The following ADCY5 variants were observed in gnomAD, a reference collection of about 807,000 sequenced individuals.
The protein encoded by ADCY5 is adenylate cyclase 5, also known as adenylate cyclase type 5.
Under a neutral mutation model 119.7 loss-of-function variants are expected in ADCY5, and 30 were observed. The observed-to-expected ratio is 0.25, with a 90% CI of 0.19 to 0.34. The LOEUF is 0.34. Among genes scored for constraint, ADCY5 ranks in the 10% least tolerant of loss-of-function variants. The probability of loss-of-function intolerance (pLI) is 1.00; values close to 1 mark genes in which losing one functional copy is unlikely to be tolerated. For synonymous variants in ADCY5, 753 were observed against 762.2 expected, an observed-to-expected ratio of 0.99 and a Z score of 0.20; for missense variants, 1,324 against 1,775.2, an observed-to-expected ratio of 0.75 and a Z score of 4.57.
chr3:123,389,024 A>G (rs760049682), intron 1 of ADCY5, among the ~76,000 whole-genome samples: 1 of 152,020 alleles, frequency 6.6e-6, no homozygotes, highest in Non-Finnish European at 1.5e-5. Context: ...GGAGTCATGG[A>G]AGGAAGGAGG....
At chr3:123,420,523 A>G (rs547356786) in intron 1 of ADCY5, among the ~76,000 whole-genome samples, 6 of 152,266 alleles carry the variant, frequency 3.9e-5, no homozygotes, top group African/African-American at 1.4e-4. Flanking sequence ...TCTGTGCCCC[A>G]GGCCCTACAG....
intron 1 of ADCY5, among the ~76,000 whole-genome samples, chr3:123,388,033 T>C (rs1357540696): frequency 1.3e-5 from 2 of 152,112 alleles, no homozygotes; most frequent in Admixed American, 6.5e-5. Flanking sequence ...GAAAGCATTC[T>C]AGAGAAGCTT....
chr3:123,419,217 A>G, intron 1 of ADCY5: 3 of 985,324 alleles, frequency 3.0e-6, no homozygotes, highest in Non-Finnish European at 3.6e-6. Flanking sequence ...TCTGACGAGC[A>G]CACAGTCAGG....
chr3:123,408,227 G>C (rs1018044992), intron 1 of ADCY5, among the ~76,000 whole-genome samples: 1 of 152,038 alleles, frequency 6.6e-6, no homozygotes, highest in Non-Finnish European at 1.5e-5. Flanking sequence ...GAACATGGTC[G>C]TAACACGTAT....
chr3:123,441,975 G>T (rs1945731330), intron 1 of ADCY5, among the ~76,000 whole-genome samples: 1 of 36,658 alleles, frequency 2.7e-5, no homozygotes, highest in Non-Finnish European at 6.0e-5. Context: ...ATTGCCTTAA[G>T]GAAGGAAAAA....
chr3:123,412,960 C>A (rs557758361), intron 1 of ADCY5, among the ~76,000 whole-genome samples: 1 of 152,206 alleles, frequency 6.6e-6, no homozygotes, highest in Non-Finnish European at 1.5e-5. Flanking sequence ...ATAGAGCAGG[C>A]GGCACAGGCC....
intron 3 of ADCY5, among the ~76,000 whole-genome samples, chr3:123,345,767 CAG>C (rs1491286966): frequency 4.1e-5 from 6 of 147,546 alleles, no homozygotes; most frequent in South Asian, 2.2e-4. Context: ...GACAGACAGA[CAG>C]ACACACACAC....
At chr3:123,419,099 A>G (rs372640198) in intron 1 of ADCY5, 261 of 955,850 alleles carry the variant, frequency 2.7e-4, no homozygotes, top group East Asian at 9.3e-4. Flanking sequence ...CTATATGTCT[A>G]TATAAATCCT....
chr3:123,364,027 T>C (rs932888705), intron 1 of ADCY5, among the ~76,000 whole-genome samples: 1 of 152,112 alleles, frequency 6.6e-6, no homozygotes, highest in Non-Finnish European at 1.5e-5. Context: ...CAATGTCAAG[T>C]GGGGGAGAAA....
intron 2 of ADCY5, among the ~76,000 whole-genome samples, chr3:123,348,750 C>T (rs1264554302): frequency 1.3e-5 from 2 of 152,294 alleles, no homozygotes; most frequent in East Asian, 3.9e-4. Context: ...AGCTCCTCTC[C>T]CGGGCCTGCC....
chr3:123,384,628 A>G (rs1439200523), intron 1 of ADCY5, among the ~76,000 whole-genome samples: 1 of 152,120 alleles, frequency 6.6e-6, no homozygotes, highest in African/African-American at 2.4e-5. Context: ...TGGACCATCT[A>G]AATTTCACTA....
At chr3:123,388,465 G>C (rs1292278656) in intron 1 of ADCY5, among the ~76,000 whole-genome samples, 1 of 152,118 alleles carries the variant, frequency 6.6e-6, no homozygotes, top group Non-Finnish European at 1.5e-5. Flanking sequence ...TGAGTGAGGG[G>C]TACACATGAT....
chr3:123,436,279 G>A (rs970458996), intron 1 of ADCY5, among the ~76,000 whole-genome samples: 1 of 151,704 alleles, frequency 6.6e-6, no homozygotes, highest in Non-Finnish European at 1.5e-5. Context: ...AGGCTGAGGT[G>A]GGAGGATTGC....
intron 3 of ADCY5, among the ~76,000 whole-genome samples, chr3:123,337,036 AACC>A (rs1942060130): frequency 6.6e-6 from 1 of 152,112 alleles, no homozygotes; most frequent in South Asian, 2.1e-4. Context: ...CAGGGTTGAG[AACC>A]ACCACACTAG....
At chr3:123,383,818 C>T (rs1287315193) in intron 1 of ADCY5, among the ~76,000 whole-genome samples, 1 of 151,798 alleles carries the variant, frequency 6.6e-6, no homozygotes, top group East Asian at 1.9e-4. Context: ...CACCCTTCCT[C>T]AAGGTGCACG....
chr3:123,406,367 T>C (rs77553132), intron 1 of ADCY5, among the ~76,000 whole-genome samples: 1,693 of 152,366 alleles, frequency 0.011, 41 homozygotes, highest in African/African-American at 0.039. Context: ...TGGCATGGCA[T>C]GGCATGTGCC....
intron 1 of ADCY5, among the ~76,000 whole-genome samples, chr3:123,371,018 A>G (rs1001017444): frequency 6.6e-6 from 1 of 152,240 alleles, no homozygotes; most frequent in African/African-American, 2.4e-5. Context: ...AAGCCCAGAA[A>G]CCAGAGCAGA....
chr3:123,291,446 C>T, intron 17 of ADCY5, 70 bp from the exon 18 acceptor site: 1 of 1,540,016 alleles, frequency 6.5e-7, no homozygotes, highest in Non-Finnish European at 8.8e-7. Context: ...CCACCTCCTC[C>T]TCTCCGTGGC....
In ADCY5 at chr3:123,352,298, A is replaced by G. The variant is rs1000228114; in HGVS notation, c.1284+134T>C. The G allele has an allele frequency of 5.4e-6, 6 of 1,120,202 alleles. No homozygotes were observed. The highest frequency in any genetic ancestry group is 1.6e-5 in the African/African-American group (1 of 63,556). The allele number at this position is 1,120,202 out of a possible 1,614,324, so 69.4% of individuals were successfully genotyped here. A position where few individuals can be genotyped will look rare whatever the true frequency, so the allele number is the denominator to read the frequency against. On this transcript the variant is annotated intron_variant, in intron 2 of 20. Transcript: ENST00000462833. This position sits in a 1 kb window ranked among gnomAD's most constrained non-coding sequence, Gnocchi z 4.8. ...ACTCTCTCCAGGGGAAACATTCCCC[A>G]TGGGTTGGTCCCCTCCCGGGGAGTG... is the stretch of plus-strand genomic sequence containing the variant.
Sources: gnomAD v4.1 joint callset for allele counts (sites outside exome capture counted in the v4.1 genomes callset) on GRCh38, gnomAD v4.1.1 for gene constraint, Gnocchi (gnomAD v3.1) non-coding constraint, MANE v1.5 for transcripts, NCBI Gene and HGNC (gene_info 2026-07-23, HGNC 2026-07-21) for gene names.